TMEM132D: variants seen among roughly 807,000 people sequenced by gnomAD.
The protein encoded by TMEM132D is transmembrane protein 132D.
Under a neutral mutation model 62.3 loss-of-function variants are expected in TMEM132D, and 21 were observed. The ratio of observed to expected loss-of-function variants is 0.34; its 90% CI spans 0.24 to 0.49. TMEM132D has a LOEUF of 0.49. Among genes scored for constraint, TMEM132D ranks in the 20% least tolerant of loss-of-function variants. The probability of loss-of-function intolerance (pLI) is 0.99; values close to 1 mark genes in which losing one functional copy is unlikely to be tolerated. For synonymous variants in TMEM132D, 621 were observed against 575.6 expected, an observed-to-expected ratio of 1.08 and a Z score of -1.13; for missense variants, 1,346 against 1,402.8, an observed-to-expected ratio of 0.96 and a Z score of 0.65.
At chr12:129,134,134 C>CTG (rs751171179) in intron 5 of TMEM132D, among the ~76,000 whole-genome samples, 17,262 of 76,902 alleles carry the variant, frequency 0.22, 1,609 homozygotes, top group East Asian at 0.39. Context: ...GTGTGTGTGT[C>CTG]TGTGTGTGTG....
intron 3 of TMEM132D, among the ~76,000 whole-genome samples, chr12:129,489,276 G>T (rs970061311): frequency 2.0e-5 from 3 of 152,114 alleles, no homozygotes; most frequent in Non-Finnish European, 4.4e-5. Flanking sequence ...TCCACCCTGG[G>T]CTCAGAGCCA....
intron 2 of TMEM132D, among the ~76,000 whole-genome samples, chr12:129,612,390 T>C (rs2137152309): frequency 6.6e-6 from 1 of 152,328 alleles, no homozygotes; most frequent in African/African-American, 2.4e-5. Context: ...TGCAGCCTGC[T>C]TCTTGCTCCT....
chr12:129,524,966 G>GC (rs1447690776), intron 3 of TMEM132D, among the ~76,000 whole-genome samples: 1 of 104,486 alleles, frequency 9.6e-6, no homozygotes, highest in Non-Finnish European at 1.8e-5. Flanking sequence ...TCGCTCTGTC[G>GC]CCAGGCTGGA....
chr12:129,357,195 T>G (rs1171699007), intron 3 of TMEM132D, among the ~76,000 whole-genome samples: 1 of 143,054 alleles, frequency 7.0e-6, no homozygotes, highest in Non-Finnish European at 1.5e-5. Flanking sequence ...TGCAGTGAGC[T>G]GAGATTGTAC....
intron 3 of TMEM132D, among the ~76,000 whole-genome samples, chr12:129,416,015 C>T (rs1167943826): frequency 2.6e-5 from 4 of 152,180 alleles, no homozygotes; most frequent in African/African-American, 9.7e-5. Flanking sequence ...GTCATGCCTA[C>T]TCAGGACCTG....
chr12:129,333,196 G>T (rs1017951576), intron 4 of TMEM132D, among the ~76,000 whole-genome samples: 7 of 152,186 alleles, frequency 4.6e-5, no homozygotes, highest in African/African-American at 1.7e-4. Context: ...ATTTCATGTT[G>T]GAGGAAGCTG....
At chr12:129,452,494 T>C (rs1313227743) in intron 3 of TMEM132D, among the ~76,000 whole-genome samples, 2 of 152,166 alleles carry the variant, frequency 1.3e-5, no homozygotes, top group African/African-American at 2.4e-5. Context: ...TCACACCTCA[T>C]CAGTGATACT....
At chr12:129,293,771 G>A (rs868163764) in intron 4 of TMEM132D, among the ~76,000 whole-genome samples, 1 of 152,178 alleles carries the variant, frequency 6.6e-6, no homozygotes, top group African/African-American at 2.4e-5. Flanking sequence ...AGGAGGTAGA[G>A]CTTGGGTAGT....
chr12:129,797,852 A>T (rs2137303656), intron 1 of TMEM132D, among the ~76,000 whole-genome samples: 1 of 152,334 alleles, frequency 6.6e-6, no homozygotes, highest in East Asian at 1.9e-4. Flanking sequence ...CGGAGATACT[A>T]GTTGATCAAT....
intron 1 of TMEM132D, chr12:129,853,676 T>C (rs757911422): frequency 6.6e-6 from 1 of 152,156 alleles, no homozygotes; most frequent in Non-Finnish European, 1.5e-5. Context: ...GCCAACGTGC[T>C]CTCTGAGGAG....
intron 4 of TMEM132D, among the ~76,000 whole-genome samples, chr12:129,303,614 C>T (rs1020078353): frequency 1.3e-5 from 2 of 151,582 alleles, no homozygotes; most frequent in African/African-American, 4.9e-5. Flanking sequence ...CATCACTCGC[C>T]GGGACTCTGC....
intron 1 of TMEM132D, among the ~76,000 whole-genome samples, chr12:129,747,544 TCA>T (rs1158443198): frequency 2.9e-5 from 4 of 139,664 alleles, no homozygotes; most frequent in Admixed American, 7.2e-5. Flanking sequence ...ACACACACTC[TCA>T]GACACCCTCT....
At chr12:129,241,141 C>T (rs1475692305) in intron 4 of TMEM132D, among the ~76,000 whole-genome samples, 1 of 139,264 alleles carries the variant, frequency 7.2e-6, no homozygotes. Context: ...TGCTTCAGCC[C>T]TCTTACCTCA....
At chr12:129,229,075 G>A (rs1879563015) in intron 4 of TMEM132D, among the ~76,000 whole-genome samples, 1 of 152,192 alleles carries the variant, frequency 6.6e-6, no homozygotes, top group Non-Finnish European at 1.5e-5. Context: ...CCCTTGCTGA[G>A]GTGCCTCTAG....
Position 129,074,002 on chromosome 12 carries a change from T to C in TMEM132D, c.3173A>G (p.Glu1058Gly). The change falls in exon 9 of 9, where the codon GAG becomes GGG. Residue 1058 changes from glutamate to glycine, a missense_variant. Physicochemically the swap from Glu to Gly is moderately conservative, Grantham distance 98 (BLOSUM62 -2). Coordinates refer to ENST00000422113, the MANE Select transcript of TMEM132D (RefSeq NM_133448.3). ...CACGATGGAGTTCCTGGTGGGGTACTCGTCGTCTGAGGAGACGGCGGTGAA... is the reference window on the plus strand; with the variant it reads ...CACGATGGAGTTCCTGGTGGGGTACCCGTCGTCTGAGGAGACGGCGGTGAA... Reference protein sequence around the residue: ...TTFTAVSSDDEYPTRNSIVMS... With the variant: ...TTFTAVSSDDGYPTRNSIVMS... 1 of 1,614,070 alleles carries C rather than the reference T, an allele frequency of 6.2e-7. No homozygotes were observed. Among genetic ancestry groups the C allele is most frequent in the East Asian group, 2.2e-5 (1 of 44,870 alleles).
At chr12:129,355,827 G>A (rs1223732035) in intron 3 of TMEM132D, among the ~76,000 whole-genome samples, 2 of 152,160 alleles carry the variant, frequency 1.3e-5, no homozygotes, top group Non-Finnish European at 2.9e-5. Context: ...CAAGCGCAAA[G>A]AGCCTAAAGT....
At chr12:129,295,998 G>A (rs1188136623) in intron 4 of TMEM132D, among the ~76,000 whole-genome samples, 1 of 151,816 alleles carries the variant, frequency 6.6e-6, no homozygotes, top group Non-Finnish European at 1.5e-5. Flanking sequence ...ACACACAAAT[G>A]AGCACACACA....
intron 3 of TMEM132D, among the ~76,000 whole-genome samples, chr12:129,468,189 G>A (rs1474894517): frequency 6.6e-6 from 1 of 151,760 alleles, no homozygotes; most frequent in Non-Finnish European, 1.5e-5. Context: ...AAAGCTTTGT[G>A]TGTGTGTGTG....
intron 1 of TMEM132D, among the ~76,000 whole-genome samples, chr12:129,793,204 C>T (rs1871451575): frequency 6.6e-6 from 1 of 152,020 alleles, no homozygotes; most frequent in Non-Finnish European, 1.5e-5. Flanking sequence ...TGACCCAACT[C>T]ACCCAGCCTG....
Sources: gnomAD v4.1 joint callset for allele counts (sites outside exome capture counted in the v4.1 genomes callset) on GRCh38, gnomAD v4.1.1 for gene constraint, MANE v1.5 for transcripts, NCBI Gene and HGNC (gene_info 2026-07-23, HGNC 2026-07-21) for gene names.